ATP6V1D: variants seen among roughly 807,000 people sequenced by gnomAD.
The protein encoded by ATP6V1D is V-type proton ATPase subunit D.
ATP6V1D carries 20 observed loss-of-function variants against 39.4 expected under a neutral mutation model. The observed-to-expected ratio is 0.51, with a 90% CI of 0.36 to 0.74. The LOEUF is 0.74. Ranked by LOEUF, ATP6V1D falls within the 30% of genes least tolerant of loss-of-function variation. ATP6V1D has a pLI of 0.00. For synonymous variants in ATP6V1D, 100 were observed against 100.5 expected (o/e 0.99, Z 0.03); for missense variants, 228 against 291.6 (o/e 0.78, Z 1.59).
At position 67,352,961 on chromosome 14, in the gene ATP6V1D, T is replaced by C. The variant is rs749319649; in HGVS notation, c.121A>G (p.Thr41Ala). The change falls in exon 2 of 9, where the codon ACT becomes GCT. Residue 41 changes from threonine (T) to alanine (A), a missense_variant. Thr to Ala is a moderately conservative substitution (Grantham distance 58). Coordinates refer to ENST00000216442, the MANE Select transcript of ATP6V1D (RefSeq NM_015994.4). ...TTTAGGATCTGTCGAAATCGAAGAGTTAAGGCATCAGATTTTTTCTTCAGG... is the reference window on the plus strand; with the variant it reads ...TTTAGGATCTGTCGAAATCGAAGAGCTAAGGCATCAGATTTTTTCTTCAGG... ...NLLKKKSDAL[T>A]LRFRQILKKI... is the part of the protein sequence containing the mutation. 30 of 1,613,526 alleles carry C rather than the reference T, an allele frequency of 1.9e-5. No homozygotes were observed. The highest frequency in any genetic ancestry group is 2.2e-5 in the South Asian group (2 of 91,066).
chr14:67,343,326 A>T (rs1566597567), intron 7 of ATP6V1D, 46 bp downstream of exon 7: 5 of 1,423,476 alleles, frequency 3.5e-6, no homozygotes, highest in South Asian at 1.2e-5. Context: ...CGACAAGTGG[A>T]GGGTATGGAC....
At chr14:67,342,725 C>T (rs963930085) in intron 7 of ATP6V1D, among the ~76,000 whole-genome samples, 1 of 150,426 alleles carries the variant, frequency 6.6e-6, no homozygotes, top group South Asian at 2.1e-4. Flanking sequence ...GTTAATATAT[C>T]ATATTATACA....
chr14:67,358,552 A>C (rs1035922089), intron 1 of ATP6V1D, among the ~76,000 whole-genome samples: 1 of 152,064 alleles, frequency 6.6e-6, no homozygotes, highest in African/African-American at 2.4e-5. Flanking sequence ...GAAAAAGGGA[A>C]AGCCAGGCGC....
intron 4 of ATP6V1D, among the ~76,000 whole-genome samples, chr14:67,348,076 A>AT (rs761328150): frequency 9.9e-4 from 139 of 140,076 alleles, no homozygotes; most frequent in Middle Eastern, 3.8e-3. Context: ...TGCCCAGCTA[A>AT]TTTTTTTTTT....
At chr14:67,354,859 G>A (rs1023862967) in intron 1 of ATP6V1D, among the ~76,000 whole-genome samples, 6 of 152,122 alleles carry the variant, frequency 3.9e-5, no homozygotes, top group Non-Finnish European at 4.4e-5. Context: ...TGTTGCCCAG[G>A]CTAGAGTGCA....
At chr14:67,352,081 T>C (rs758951698) in intron 2 of ATP6V1D, among the ~76,000 whole-genome samples, 3 of 151,888 alleles carry the variant, frequency 2.0e-5, no homozygotes, top group Non-Finnish European at 2.9e-5. Context: ...GCCCAGGTGG[T>C]TGAGACCACC....
chr14:67,355,449 CAAAAAAAAAAAAA>C (rs564931669), intron 1 of ATP6V1D, among the ~76,000 whole-genome samples: 25 of 18,956 alleles, frequency 1.3e-3, no homozygotes, highest in South Asian at 5.8e-3. Flanking sequence ...GACCCTGTCT[CAAAAAAAAAAAAA>C]AAAAAAAAAA....
rs766781389 is a variant in ATP6V1D, at chr14:67,352,926, T to C, written c.156A>G (p.Ile52Met). The stretch of plus-strand genomic sequence containing the variant: ...TTCTAAGAAAAGTTCATTCTACCTC[T>C]ATTATCTTCTTTAGGATCTGTCGAA... ...LRFRQILKKI[I>M]ETKMLMGEVM... Residue 52 changes from isoleucine to methionine, a missense_variant, in exon 2 of 9, where the codon ATA becomes ATG. Transcript: ENST00000216442. 6.3e-7 allele frequency: 1 copy of C among 1,599,180 alleles called. No individual in the cohort carries two copies. The highest frequency in any genetic ancestry group is 8.6e-7 in the Non-Finnish European group (1 of 1,167,908).
chr14:67,341,738 A>T (rs548568124), intron 7 of ATP6V1D, among the ~76,000 whole-genome samples: 3 of 152,388 alleles, frequency 2.0e-5, no homozygotes, highest in Non-Finnish European at 4.4e-5. Flanking sequence ...TTTGTGGAAT[A>T]GAAAAGGGGG....
chr14:67,354,970 T>C (rs1419421370), intron 1 of ATP6V1D, among the ~76,000 whole-genome samples: 1 of 152,060 alleles, frequency 6.6e-6, no homozygotes, highest in Non-Finnish European at 1.5e-5. Context: ...TGCGTCACCA[T>C]GCCTGGCTAA....
intron 1 of ATP6V1D, among the ~76,000 whole-genome samples, chr14:67,359,151 G>C (rs775837605): frequency 6.6e-6 from 1 of 152,200 alleles, no homozygotes; most frequent in Non-Finnish European, 1.5e-5. Context: ...GGGGATCCAA[G>C]ATCGAATCCG....
intron 8 of ATP6V1D, 102 bp downstream of exon 8, chr14:67,340,338 T>C (rs1482704749): frequency 3.2e-6 from 3 of 928,804 alleles, no homozygotes; most frequent in Middle Eastern, 2.2e-4. Context: ...AAACATAAGC[T>C]GTGCTAATTC....
At position 67,352,985 on chromosome 14, in the gene ATP6V1D, G is replaced by T. The variant is rs1425415596; in HGVS notation, c.97C>A (p.Leu33Met). 14 of 1,613,862 alleles carry T rather than the reference G, an allele frequency of 8.7e-6. No individual in the cohort carries two copies. The change falls in exon 2 of 9, where the codon CTG becomes ATG. Residue 33 changes from leucine (L) to methionine (M), a missense_variant. Coordinates refer to ENST00000216442, the MANE Select transcript of ATP6V1D (RefSeq NM_015994.4). The stretch of plus-strand genomic sequence containing the variant: ...GTTAAGGCATCAGATTTTTTCTTCA[G>T]GAGGTTTCGACCTGTCTGTGCTCCC... ...LKGAQTGRNL[L>M]KKKSDALTLR... is the part of the protein sequence containing the mutation.
At chr14:67,349,220 T>G (rs751343823) in intron 3 of ATP6V1D, 116 bp from the exon 4 acceptor site, 5 of 1,008,424 alleles carry the variant, frequency 5.0e-6, no homozygotes, top group Non-Finnish European at 5.8e-6. Flanking sequence ...CAATTAAGTA[T>G]GTTTTGATAA....
At chr14:67,338,931 T>C (rs535500155) in intron 8 of ATP6V1D, among the ~76,000 whole-genome samples, 169 bp from the exon 9 acceptor site, 1 of 151,738 alleles carries the variant, frequency 6.6e-6, no homozygotes, top group African/African-American at 2.4e-5. Context: ...TTAAAAAACA[T>C]AATTTTAAGC....
intron 1 of ATP6V1D, among the ~76,000 whole-genome samples, chr14:67,354,354 T>C (rs555953434): frequency 6.6e-6 from 1 of 152,258 alleles, no homozygotes; most frequent in Non-Finnish European, 1.5e-5. Context: ...ATCTTTGTTT[T>C]AGTTTCCACT....
intron 7 of ATP6V1D, among the ~76,000 whole-genome samples, chr14:67,341,250 C>T (rs867365996): frequency 6.6e-6 from 1 of 151,440 alleles, no homozygotes; most frequent in African/African-American, 2.4e-5. Context: ...CCCGGCCGCC[C>T]ATCGTCTGAG....
chr14:67,340,358 TA>T (rs1263199321), intron 8 of ATP6V1D, 81 bp downstream of exon 8: 2 of 1,195,510 alleles, frequency 1.7e-6, no homozygotes, highest in Non-Finnish European at 2.5e-6. Flanking sequence ...CTAAAGAACA[TA>T]AACCAACAAG....
At chr14:67,358,214 G>A (rs2085699446) in intron 1 of ATP6V1D, among the ~76,000 whole-genome samples, 1 of 152,142 alleles carries the variant, frequency 6.6e-6, no homozygotes, top group Non-Finnish European at 1.5e-5. Flanking sequence ...CACGTCCTAG[G>A]AGTTCTGCAG....
Sources: gnomAD v4.1 joint callset for allele counts (sites outside exome capture counted in the v4.1 genomes callset) on GRCh38, gnomAD v4.1.1 for gene constraint, MANE v1.5 for transcripts, NCBI Gene and HGNC (gene_info 2026-07-23, HGNC 2026-07-21) for gene names.